ATP10B: variants seen among roughly 807,000 people sequenced by gnomAD.
ATP10B encodes the protein ATPase phospholipid transporting 10B (putative).
ATP10B carries 122 observed loss-of-function variants against 141.2 expected under a neutral mutation model. That is an observed-to-expected ratio of 0.86 (90% CI 0.75 to 1.00). ATP10B has a LOEUF of 1.00. Ranked by LOEUF, ATP10B falls within the 50% of genes least tolerant of loss-of-function variation. ATP10B has a pLI of 0.00. For missense variants in ATP10B, 1,876 were observed against 1,825.3 expected, an observed-to-expected ratio of 1.03 and a Z score of -0.51; for synonymous variants, 685 against 692.0, an observed-to-expected ratio of 0.99 and a Z score of 0.16.
intron 1 of ATP10B, among the ~76,000 whole-genome samples, chr5:160,820,229 T>C (rs1205836247): frequency 6.6e-6 from 1 of 151,962 alleles, no homozygotes; most frequent in Admixed American, 6.6e-5. Flanking sequence ...AAAGTATCAT[T>C]AGCAGGTACT....
At chr5:160,818,977 C>T (rs1160859934) in intron 1 of ATP10B, among the ~76,000 whole-genome samples, 1 of 152,106 alleles carries the variant, frequency 6.6e-6, no homozygotes, top group East Asian at 1.9e-4. Context: ...GGAAAGGGAA[C>T]ATCACACACC....
chr5:160,640,322 T>G (rs1471990322), intron 10 of ATP10B, 139 bp downstream of exon 10: 3 of 886,552 alleles, frequency 3.4e-6, no homozygotes, highest in East Asian at 5.1e-5. Context: ...TCTTGCATTT[T>G]CATTTCATTG....
chr5:160,691,213 A>C (rs558919295), intron 3 of ATP10B, among the ~76,000 whole-genome samples: 34 of 152,184 alleles, frequency 2.2e-4, no homozygotes, highest in African/African-American at 8.2e-4. Flanking sequence ...TTGTGGGGTT[A>C]GGGGCTAGGG....
intron 11 of ATP10B, 117 bp from the exon 12 acceptor site, chr5:160,634,723 C>A: frequency 8.9e-7 from 1 of 1,122,448 alleles, no homozygotes; most frequent in Non-Finnish European, 1.3e-6. Context: ...ACAGGACAGA[C>A]TCTCTGTGAA....
intron 9 of ATP10B, among the ~76,000 whole-genome samples, 154 bp from the exon 10 acceptor site, chr5:160,640,746 T>C (rs1240582059): frequency 6.6e-6 from 1 of 152,222 alleles, no homozygotes; most frequent in East Asian, 1.9e-4. Flanking sequence ...TGAGAACAGC[T>C]GTAGGGGCCT....
intron 22 of ATP10B, among the ~76,000 whole-genome samples, chr5:160,593,638 A>C (rs1333573085): frequency 6.6e-6 from 1 of 152,184 alleles, no homozygotes; most frequent in African/African-American, 2.4e-5. Context: ...ATTCAAACCA[A>C]AGGCAAAGAA....
At chr5:160,773,650 A>C (rs1296185546) in intron 2 of ATP10B, among the ~76,000 whole-genome samples, 3 of 152,196 alleles carry the variant, frequency 2.0e-5, no homozygotes, top group African/African-American at 4.8e-5. Context: ...TGGCAGATCT[A>C]GGCCTTAAAC....
At chr5:160,715,460 G>A (rs868716547) in intron 3 of ATP10B, among the ~76,000 whole-genome samples, 3 of 143,684 alleles carry the variant, frequency 2.1e-5, no homozygotes, top group African/African-American at 7.8e-5. Flanking sequence ...GCAATGCCTC[G>A]CCCTGCTTCG....
At chr5:160,602,981 G>A in intron 20 of ATP10B, 1 of 313,690 alleles carries the variant, frequency 3.2e-6, no homozygotes. Context: ...CTGTGGCCCA[G>A]TAAGTGTCAG....
chr5:160,569,236 A>T (rs1381971086), intron 25 of ATP10B, among the ~76,000 whole-genome samples: 1 of 152,208 alleles, frequency 6.6e-6, no homozygotes, highest in Non-Finnish European at 1.5e-5. Context: ...GTAGGAATTG[A>T]TACTCCCATT....
chr5:160,579,206 C>T (rs189246732), intron 24 of ATP10B, among the ~76,000 whole-genome samples: 1 of 152,246 alleles, frequency 6.6e-6, no homozygotes, highest in East Asian at 1.9e-4. Context: ...GCTCTTGTTG[C>T]CATTGCTTTT....
At chr5:160,867,770 T>G in the ATP10B span, among the ~76,000 whole-genome samples, 1 of 152,258 alleles carries the variant, frequency 6.6e-6, no homozygotes, top group African/African-American at 2.4e-5. Context: ...AATTAGAAGT[T>G]TTAACTGTGG....
chr5:160,593,508 C>T (rs190331918), intron 22 of ATP10B, among the ~76,000 whole-genome samples: 26 of 152,332 alleles, frequency 1.7e-4, no homozygotes, highest in East Asian at 5.8e-4. Context: ...AAAAGCAGAG[C>T]GCCTCTCCTC....
the ATP10B span, among the ~76,000 whole-genome samples, chr5:160,925,876 T>C: frequency 6.6e-6 from 1 of 152,178 alleles, no homozygotes; most frequent in Non-Finnish European, 1.5e-5. Flanking sequence ...CAATGGTGAA[T>C]AAAAGTGCAC....
chr5:160,805,744 T>C (rs1196927103), intron 1 of ATP10B, among the ~76,000 whole-genome samples: 1 of 152,188 alleles, frequency 6.6e-6, no homozygotes, highest in African/African-American at 2.4e-5. Context: ...GACTGCTGTT[T>C]ATGTGTGTGA....
At chr5:160,626,040 A>C (rs1758593197) in intron 13 of ATP10B, among the ~76,000 whole-genome samples, 1 of 152,246 alleles carries the variant, frequency 6.6e-6, no homozygotes, top group African/African-American at 2.4e-5. Flanking sequence ...AAGGCTCTTC[A>C]TGGCTCCTTT....
At chr5:160,643,739 A>G (rs1213347061) in intron 9 of ATP10B, among the ~76,000 whole-genome samples, 1 of 152,230 alleles carries the variant, frequency 6.6e-6, no homozygotes, top group Non-Finnish European at 1.5e-5. Flanking sequence ...CAAACACTCT[A>G]TGAGGCAGAT....
intron 1 of ATP10B, among the ~76,000 whole-genome samples, chr5:160,809,311 G>A (rs1443790996): frequency 1.3e-5 from 2 of 152,136 alleles, no homozygotes; most frequent in Non-Finnish European, 1.5e-5. Flanking sequence ...GCTGATCCCT[G>A]CTCTAAACTG....
At chr5:160,738,506 C>A (rs554881912) in intron 2 of ATP10B, among the ~76,000 whole-genome samples, 1 of 150,174 alleles carries the variant, frequency 6.7e-6, no homozygotes, top group Admixed American at 6.6e-5. Context: ...AATTGATACG[C>A]CACTATTTAA....
Sources: allele counts gnomAD v4.1 joint callset (sites outside exome capture counted in the v4.1 genomes callset), GRCh38; gene constraint gnomAD v4.1.1; transcripts MANE v1.5; gene names NCBI Gene and HGNC (gene_info 2026-07-23, HGNC 2026-07-21).